LRRC8D: variants seen among roughly 807,000 people sequenced by gnomAD.
LRRC8D encodes the protein leucine rich repeat containing 8 VRAC subunit D, also known as volume-regulated anion channel subunit LRRC8D.
Under a neutral mutation model 55.8 loss-of-function variants are expected in LRRC8D, and 20 were observed. The observed-to-expected ratio is 0.36, with a 90% CI of 0.25 to 0.52. The LOEUF (loss-of-function observed/expected upper bound fraction) is 0.52, where lower values mean the gene tolerates loss of function less well. LRRC8D is among the 20% of genes least tolerant of loss of function. The pLI is 0.93. For missense variants in LRRC8D, 651 were observed against 1,030.8 expected, an observed-to-expected ratio of 0.63 and a Z score of 5.05; for synonymous variants, 352 against 377.0, an observed-to-expected ratio of 0.93 and a Z score of 0.77.
chr1:89,899,668 A>G (rs995926687), intron 2 of LRRC8D, among the ~76,000 whole-genome samples: 12 of 152,236 alleles, frequency 7.9e-5, no homozygotes, highest in Non-Finnish European at 1.0e-4. Context: ...GTCACAATGT[A>G]TAGGCCCACA....
At chr1:89,890,715 A>C (rs1350797529) in intron 2 of LRRC8D, among the ~76,000 whole-genome samples, 1 of 152,206 alleles carries the variant, frequency 6.6e-6, no homozygotes, top group African/African-American at 2.4e-5. Context: ...ACAATTCTAG[A>C]AACCAGGAAA....
intron 1 of LRRC8D, chr1:89,843,427 G>A (rs1401417259): frequency 2.0e-5 from 7 of 355,658 alleles, no homozygotes; most frequent in African/African-American, 1.5e-4. Context: ...ACCAGCAGGG[G>A]GGGCCCGGGC....
chr1:89,914,567 C>T (rs1010268995), intron 2 of LRRC8D, among the ~76,000 whole-genome samples: 9 of 152,166 alleles, frequency 5.9e-5, no homozygotes, highest in African/African-American at 2.2e-4. Flanking sequence ...TATATGTCAG[C>T]CATACATAAT....
intron 2 of LRRC8D, among the ~76,000 whole-genome samples, chr1:89,892,686 T>G (rs1413223081): frequency 2.0e-5 from 3 of 152,066 alleles, no homozygotes; most frequent in Non-Finnish European, 4.4e-5. Context: ...GCCCAGCTAA[T>G]TTTTTTGTAT....
intron 2 of LRRC8D, among the ~76,000 whole-genome samples, chr1:89,930,076 C>A (rs1026006818): frequency 5.3e-5 from 8 of 152,196 alleles, no homozygotes; most frequent in African/African-American, 1.7e-4. Context: ...CCATCTCTCC[C>A]CCCAACCCCC....
chr1:89,834,282 C>A (rs958622064), intron 1 of LRRC8D, among the ~76,000 whole-genome samples: 5 of 152,310 alleles, frequency 3.3e-5, no homozygotes, highest in African/African-American at 1.2e-4. Context: ...TTTACTTTGT[C>A]TGCAGTGCAC....
At chr1:89,901,276 C>G (rs2816851) in intron 2 of LRRC8D, among the ~76,000 whole-genome samples, 4,229 of 152,262 alleles carry the variant, frequency 0.028, 177 homozygotes, top group African/African-American at 0.097. Context: ...AGTGGAAAGA[C>G]CTCTAAACAG....
At chr1:89,929,694 G>A (rs1663651293) in intron 2 of LRRC8D, 1 of 152,220 alleles carries the variant, frequency 6.6e-6, no homozygotes. Flanking sequence ...ATATCAGAGT[G>A]TACTTACACA....
At chr1:89,828,933 C>T (rs897538700) in intron 1 of LRRC8D, among the ~76,000 whole-genome samples, 101 of 152,272 alleles carry the variant, frequency 6.6e-4, no homozygotes, top group African/African-American at 2.3e-3. Flanking sequence ...CAAGAAGACA[C>T]CTTTTTCTCT....
intron 2 of LRRC8D, among the ~76,000 whole-genome samples, chr1:89,851,306 A>G (rs966897620): frequency 1.3e-5 from 2 of 152,044 alleles, no homozygotes; most frequent in Admixed American, 1.3e-4. Flanking sequence ...TCTTAATTAC[A>G]GATGTCTCTT....
chr1:89,836,083 C>A (rs1570805441), intron 1 of LRRC8D, among the ~76,000 whole-genome samples: 1 of 152,194 alleles, frequency 6.6e-6, no homozygotes, highest in African/African-American at 2.4e-5. Flanking sequence ...ATATTGGCTA[C>A]AGAGCTAATA....
At chr1:89,907,140 C>G (rs1663014857) in intron 2 of LRRC8D, among the ~76,000 whole-genome samples, 1 of 150,630 alleles carries the variant, frequency 6.6e-6, no homozygotes, top group African/African-American at 2.4e-5. Flanking sequence ...AAAGGGCTTC[C>G]CATCTATCTT....
At chr1:89,919,017 A>G (rs1173121565) in intron 2 of LRRC8D, among the ~76,000 whole-genome samples, 2 of 152,204 alleles carry the variant, frequency 1.3e-5, no homozygotes, top group African/African-American at 4.8e-5. Context: ...TCCTCCCATT[A>G]GGTGGAGGCA....
At chr1:89,921,064 C>T (rs753721383) in intron 2 of LRRC8D, among the ~76,000 whole-genome samples, 3 of 152,122 alleles carry the variant, frequency 2.0e-5, no homozygotes, top group Non-Finnish European at 4.4e-5. Context: ...TTAATTCATG[C>T]CTACATGAAA....
rs1283699155 is a variant in LRRC8D, at chr1:89,934,574, A to G, written c.1506A>G (p.Glu502=). The change falls in exon 3 of 3, where the codon GAA becomes GAG. Residue 502 remains glutamate, a synonymous_variant. Transcript: ENST00000337338. This position sits in a 1 kb window ranked among gnomAD's most constrained non-coding sequence, Gnocchi z 5.9. ...LDVLKLELIP[E]AKIPAKISQM... is the part of the protein sequence containing the mutation. Reference sequence around the variant, plus strand: ...TGCTAAAGCTTGAACTAATTCCAGAAGCTAAAATTCCTGCTAAGATTTCTC... The same window carrying G: ...TGCTAAAGCTTGAACTAATTCCAGAGGCTAAAATTCCTGCTAAGATTTCTC... 2 of 1,614,050 alleles carry G rather than the reference A, an allele frequency of 1.2e-6. No individual in the cohort carries two copies. Among genetic ancestry groups the G allele is most frequent in the Non-Finnish European group, 1.7e-6 (2 of 1,180,040 alleles).
intron 2 of LRRC8D, among the ~76,000 whole-genome samples, chr1:89,889,536 T>C (rs1662508245): frequency 6.6e-6 from 1 of 151,516 alleles, no homozygotes. Context: ...GGCAGTAACT[T>C]AAATTTCCTC....
At chr1:89,884,195 G>A (rs1005473356) in intron 2 of LRRC8D, among the ~76,000 whole-genome samples, 2 of 152,176 alleles carry the variant, frequency 1.3e-5, no homozygotes, top group South Asian at 2.1e-4. Context: ...TCCTTAATGC[G>A]TGAACAGAGA....
At chr1:89,914,722 T>C (rs999560076) in intron 2 of LRRC8D, among the ~76,000 whole-genome samples, 2 of 151,494 alleles carry the variant, frequency 1.3e-5, no homozygotes, top group African/African-American at 4.9e-5. Context: ...TTTGCATTTA[T>C]ACACTTTATT....
At chr1:89,870,604 T>A (rs1661983628) in intron 2 of LRRC8D, among the ~76,000 whole-genome samples, 1 of 152,244 alleles carries the variant, frequency 6.6e-6, no homozygotes, top group Non-Finnish European at 1.5e-5. Context: ...AAATTTTCTC[T>A]TAAGTTGGTG....
Sources: allele counts gnomAD v4.1 joint callset (sites outside exome capture counted in the v4.1 genomes callset), GRCh38; gene constraint gnomAD v4.1.1; non-coding constraint Gnocchi (gnomAD v3.1); transcripts MANE v1.5; gene names NCBI Gene and HGNC (gene_info 2026-07-23, HGNC 2026-07-21).